Variants in POLA1 observed in about 807,000 individuals in gnomAD.
POLA1 encodes DNA polymerase alpha 1, catalytic subunit, also known as DNA polymerase alpha catalytic subunit.
POLA1 carries 15 observed loss-of-function variants against 124.0 expected under a neutral mutation model. That is an observed-to-expected ratio of 0.12 (90% CI 0.08 to 0.19). The LOEUF (loss-of-function observed/expected upper bound fraction) is 0.19. Among genes scored for constraint, POLA1 ranks in the 10% least tolerant of loss-of-function variants. The pLI is 1.00. For synonymous variants in POLA1, 408 were observed against 389.4 expected (o/e 1.05, Z -0.56); for missense variants, 886 against 1,103.4 (o/e 0.80, Z 2.79).
At chrX:24,844,561 A>G (rs1319085741) in intron 34 of POLA1, among the ~76,000 whole-genome samples, 1 of 111,458 alleles carries the variant, frequency 9.0e-6, no homozygotes, top group Non-Finnish European at 1.9e-5. Context: ...ATTAGTTAAC[A>G]TATAATAGCA....
chrX:24,789,006 T>G, intron 26 of POLA1: 1 of 1,210,533 alleles, frequency 8.3e-7, no homozygotes, highest in Non-Finnish European at 1.1e-6. Flanking sequence ...ATGTAGCTCT[T>G]GTCCGCCAGG....
chrX:24,864,133 C>A (rs2046759073), intron 34 of POLA1, among the ~76,000 whole-genome samples: 1 of 110,211 alleles, frequency 9.1e-6, no homozygotes, highest in African/African-American at 3.3e-5. Context: ...AGGCGCCTAC[C>A]ACCACGCCTG....
Position 24,826,592 on chromosome X carries a change from A to G in POLA1, c.3727A>G (p.Thr1243Ala), listed in dbSNP as rs375778112. 8.4e-6 allele frequency: 10 copies of G among 1,192,385 alleles called. No homozygotes were observed. The highest frequency in any genetic ancestry group is 3.5e-5 in the African/African-American group (2 of 56,815). ...IDGIDAVLIATWLGLDPTQFR... is the reference protein window; with the variant it reads ...IDGIDAVLIAAWLGLDPTQFR... ...CGGAATTGATGCTGTCCTCATTGCA[A>G]CGTGGTTGGGTAAGTGTCCCAAGCT... Residue 1243 changes from threonine to alanine, a missense_variant, in exon 32 of 37, where the codon ACG (threonine) becomes GCG (alanine). By Grantham distance (58) the Thr-to-Ala change is moderately conservative. This residue lies in a region of POLA1 where 313 missense variants were observed against 359.7 expected (regional missense o/e 0.87). Transcript: ENST00000379068.
chrX:24,788,199 T>C (rs1167171161), intron 26 of POLA1, among the ~76,000 whole-genome samples: 1 of 111,329 alleles, frequency 9.0e-6, no homozygotes, highest in Non-Finnish European at 1.9e-5. Context: ...AAATTAGATA[T>C]GGAAGGAAAG....
intron 34 of POLA1, among the ~76,000 whole-genome samples, chrX:24,849,073 A>G (rs1471325351): frequency 8.8e-6 from 1 of 113,359 alleles, no homozygotes; most frequent in Non-Finnish European, 1.9e-5. Flanking sequence ...TATTAGTTCA[A>G]AAAGTTTAAG....
chrX:24,955,055 G>C (rs755075810), intron 36 of POLA1, among the ~76,000 whole-genome samples: 14 of 111,473 alleles, frequency 1.3e-4, no homozygotes, highest in African/African-American at 4.6e-4. Flanking sequence ...TGTCTTCTGT[G>C]TGACAGGCAC....
chrX:24,876,508 GA>G (rs1267671605), intron 34 of POLA1, among the ~76,000 whole-genome samples: 1 of 108,948 alleles, frequency 9.2e-6, no homozygotes, highest in East Asian at 2.9e-4. Context: ...AAAGAGGCAG[GA>G]AAAAAAAATG....
chrX:24,724,590 G>C, intron 12 of POLA1, 139 bp downstream of exon 12: 1 of 404,473 alleles, frequency 2.5e-6, no homozygotes, highest in Non-Finnish European at 4.3e-6. Flanking sequence ...TCATAGGTAT[G>C]AATGTAAAAA....
At chrX:24,723,317 C>A in intron 11 of POLA1, 50 bp downstream of exon 11, 1 of 796,256 alleles carries the variant, frequency 1.3e-6, no homozygotes, top group Non-Finnish European at 1.9e-6. Context: ...ATCTGCCACA[C>A]ATTCTGTGTT....
At chrX:24,810,862 G>A in intron 28 of POLA1, 62 bp downstream of exon 28, 7 of 566,673 alleles carry the variant, frequency 1.2e-5, no homozygotes, top group Non-Finnish European at 2.1e-5. Flanking sequence ...TTCTAACATG[G>A]AACACTATAA....
At chrX:24,782,108 A>G (rs898999657) in intron 26 of POLA1, among the ~76,000 whole-genome samples, 6 of 111,807 alleles carry the variant, frequency 5.4e-5, no homozygotes, top group African/African-American at 2.0e-4. Flanking sequence ...TACTTGCCCT[A>G]ATGCCAATTT....
intron 1 of POLA1, among the ~76,000 whole-genome samples, chrX:24,698,794 C>T (rs868238501): frequency 9.0e-6 from 1 of 111,201 alleles, no homozygotes; most frequent in Non-Finnish European, 1.9e-5. Context: ...GCTGGGGTTA[C>T]AGGCATGCAC....
chrX:24,952,586 A>C (rs1327031201), intron 36 of POLA1, among the ~76,000 whole-genome samples: 2 of 112,593 alleles, frequency 1.8e-5, no homozygotes, highest in Admixed American at 9.4e-5. Flanking sequence ...AAGCCTTGCT[A>C]TGTGATGTCT....
chrX:24,696,180 A>C (rs1927985321), intron 1 of POLA1, among the ~76,000 whole-genome samples: 1 of 112,656 alleles, frequency 8.9e-6, no homozygotes, highest in African/African-American at 3.2e-5. Flanking sequence ...GTGGACCCTG[A>C]GGCTCTGCAT....
rs984467179 is a variant in POLA1 at position 24,915,259 on chromosome X, G to A, written c.4165-15194G>A. Among the ~76,000 whole-genome samples, 6 of 111,588 alleles carry A rather than the reference G, an allele frequency of 5.4e-5. No individual in the cohort carries two copies. In the South Asian group the frequency reaches 2.3e-3, roughly 43 times the overall value. ...ATTTTATTTTTTAATGGCTGTGATT[G>A]TATACCATTTCATATTAGGCTTAGC... On this transcript the variant is annotated intron_variant, in intron 35 of 36. Coordinates refer to ENST00000379068, the MANE Select transcript of POLA1 (RefSeq NM_001330360.2).
At chrX:24,765,146 T>C (rs1010774991) in intron 26 of POLA1, among the ~76,000 whole-genome samples, 64 of 110,829 alleles carry the variant, frequency 5.8e-4, no homozygotes, top group African/African-American at 2.1e-3. Context: ...TTCACACACA[T>C]GAATTCTGTC....
In POLA1 at chrX:24,748,371, C is replaced by G; in HGVS notation, c.2752C>G (p.Pro918Ala). Residue 918 changes from proline to alanine, a missense_variant, in exon 25 of 37, where the codon CCC becomes GCC. Physicochemically the swap from Pro to Ala is conservative, Grantham distance 27. Transcript: ENST00000379068. ...TCCAAGCTTAGAAATGGGCATTTTGCCCAGAGAGATCCGGAAACTGGTAGA... is the reference window on the plus strand; with the variant it reads ...TCCAAGCTTAGAAATGGGCATTTTGGCCAGAGAGATCCGGAAACTGGTAGA... ...PDPSLEMGIL[P>A]REIRKLVERR... 3.3e-6 allele frequency: 4 copies of G among 1,195,098 alleles called. No homozygotes were observed. Among genetic ancestry groups the G allele is most frequent in the Non-Finnish European group, 4.5e-6 (4 of 880,845 alleles).
At chrX:24,820,495 G>T (rs754851983) in intron 30 of POLA1, among the ~76,000 whole-genome samples, 1 of 111,129 alleles carries the variant, frequency 9.0e-6, no homozygotes, top group East Asian at 2.8e-4. Context: ...AATAGAATGC[G>T]TTTTTTTCTC....
chrX:24,872,719 G>A (rs756371855), intron 34 of POLA1, among the ~76,000 whole-genome samples: 3 of 111,567 alleles, frequency 2.7e-5, no homozygotes, highest in South Asian at 3.8e-4. Flanking sequence ...GGTAGTTCAC[G>A]TCAGTAGGAA....
Sources: gnomAD v4.1 joint callset for allele counts (sites outside exome capture counted in the v4.1 genomes callset) on GRCh38, gnomAD v4.1.1 for gene constraint, gnomAD v4.1.1 regional missense constraint, MANE v1.5 for transcripts, NCBI Gene and HGNC (gene_info 2026-07-23, HGNC 2026-07-21) for gene names.